The following DIP2B variants were observed in gnomAD, a reference collection of about 807,000 sequenced individuals.
DIP2B encodes the protein DIP2 acetate--CoA ligase B (putative).
Under a neutral mutation model 198.0 loss-of-function variants are expected in DIP2B, and 76 were observed. The observed-to-expected ratio is 0.38, with a 90% CI of 0.32 to 0.46. DIP2B has a LOEUF of 0.46. Ranked by LOEUF, DIP2B falls within the 20% of genes least tolerant of loss-of-function variation. The probability of loss-of-function intolerance (pLI) is 0.99; values close to 1 mark genes in which losing one functional copy is unlikely to be tolerated. For missense variants in DIP2B, 1,559 were observed against 1,978.4 expected, an observed-to-expected ratio of 0.79 and a Z score of 4.02; for synonymous variants, 701 against 739.1, an observed-to-expected ratio of 0.95 and a Z score of 0.84.
intron 1 of DIP2B, among the ~76,000 whole-genome samples, chr12:50,600,752 C>G (rs1448492700): frequency 6.6e-6 from 1 of 152,094 alleles, no homozygotes; most frequent in Non-Finnish European, 1.5e-5. Context: ...GTGATAAAGC[C>G]TAGAACATGT....
At chr12:50,554,712 T>A (rs1958454598) in intron 1 of DIP2B, among the ~76,000 whole-genome samples, 1 of 152,140 alleles carries the variant, frequency 6.6e-6, no homozygotes, top group African/African-American at 2.4e-5. Context: ...TTTTTGAGCT[T>A]ACTTCTTCAC....
chr12:50,642,430 T>C (rs767739363), intron 3 of DIP2B, among the ~76,000 whole-genome samples: 2 of 152,190 alleles, frequency 1.3e-5, no homozygotes, highest in Non-Finnish European at 2.9e-5. Context: ...CTGCAGTGCC[T>C]GGCACAGGGC....
chr12:50,592,625 ACGCC>A (rs1222260283), intron 1 of DIP2B, among the ~76,000 whole-genome samples: 1 of 151,938 alleles, frequency 6.6e-6, no homozygotes, highest in African/African-American at 2.4e-5. Flanking sequence ...TTACAGGCAC[ACGCC>A]ACTACGCCTG....
At chr12:50,633,972 T>C (rs940807466) in intron 2 of DIP2B, among the ~76,000 whole-genome samples, 9 of 152,106 alleles carry the variant, frequency 5.9e-5, no homozygotes, top group South Asian at 2.1e-4. Context: ...AATTAAAATT[T>C]ATAAGATTAA....
chr12:50,727,904 A>G (rs1939966218), intron 29 of DIP2B, 92 bp downstream of exon 29: 5 of 1,058,100 alleles, frequency 4.7e-6, no homozygotes, highest in African/African-American at 1.6e-5. Flanking sequence ...AAGTGGTTGT[A>G]CCAGAGACCG....
intron 1 of DIP2B, among the ~76,000 whole-genome samples, chr12:50,609,702 C>T (rs184802518): frequency 1.3e-4 from 20 of 152,320 alleles, no homozygotes; most frequent in South Asian, 2.1e-4. Context: ...GAAATGTCAT[C>T]GTCTTCTGAG....
At chr12:50,688,820 C>T (rs1306901203) in intron 12 of DIP2B, among the ~76,000 whole-genome samples, 1 of 152,144 alleles carries the variant, frequency 6.6e-6, no homozygotes, top group Non-Finnish European at 1.5e-5. Context: ...TTGGCCATTC[C>T]TTCAGTTGTC....
chr12:50,642,704 G>A (rs1938277879), intron 3 of DIP2B, among the ~76,000 whole-genome samples: 1 of 152,184 alleles, frequency 6.6e-6, no homozygotes, highest in Non-Finnish European at 1.5e-5. Flanking sequence ...CAGGAGAATG[G>A]CGTGAACCTG....
chr12:50,653,178 T>C (rs538889488), intron 3 of DIP2B, among the ~76,000 whole-genome samples: 1 of 152,182 alleles, frequency 6.6e-6, no homozygotes, highest in African/African-American at 2.4e-5. Context: ...TTTTAGTTAC[T>C]GATTCAATCT....
At chr12:50,572,948 C>T (rs1432543085) in intron 1 of DIP2B, among the ~76,000 whole-genome samples, 1 of 152,152 alleles carries the variant, frequency 6.6e-6, no homozygotes, top group Non-Finnish European at 1.5e-5. Context: ...AGAATATGCC[C>T]AGTGTCAGCA....
At chr12:50,640,916 C>A in intron 3 of DIP2B, 64 bp downstream of exon 3, 2 of 1,545,724 alleles carry the variant, frequency 1.3e-6, no homozygotes, top group Non-Finnish European at 1.7e-6. Flanking sequence ...AACTGTGTAT[C>A]CTGAGAGCTT....
chr12:50,667,173 A>G (rs768228505), intron 4 of DIP2B, among the ~76,000 whole-genome samples: 1 of 152,172 alleles, frequency 6.6e-6, no homozygotes, highest in Non-Finnish European at 1.5e-5. Context: ...CCCGGCCAAC[A>G]TGCTAATTGT....
intron 1 of DIP2B, among the ~76,000 whole-genome samples, chr12:50,598,250 T>C (rs1958895656): frequency 1.3e-5 from 2 of 152,176 alleles, no homozygotes; most frequent in Non-Finnish European, 2.9e-5. Context: ...TGATACTGTC[T>C]TGGAAACATT....
chr12:50,649,290 A>G (rs1204175345), intron 3 of DIP2B, among the ~76,000 whole-genome samples: 1 of 152,332 alleles, frequency 6.6e-6, no homozygotes, highest in Non-Finnish European at 1.5e-5. Context: ...AATAGCTAAG[A>G]GAACACTGAG....
At chr12:50,536,271 G>GCATACATACGTA (rs1958265512) in intron 1 of DIP2B, among the ~76,000 whole-genome samples, 1 of 147,972 alleles carries the variant, frequency 6.8e-6, no homozygotes, top group Non-Finnish European at 1.5e-5. Context: ...CTAAATACGT[G>GCATACATACGTA]CATACATACA....
At position 50,706,549 on chromosome 12, in the gene DIP2B, G is replaced by A; in HGVS notation, c.2418G>A (p.Val806=). Residue 806 remains valine, a synonymous_variant, in exon 21 of 38, where the codon GTG becomes GTA. Coordinates refer to ENST00000301180, the MANE Select transcript of DIP2B (RefSeq NM_173602.3). ...TCATTACCTTTCAGGGTAGTTTGGT[G>A]TTCGTGGTTGGGAAAATGGATGGCT... The part of the protein sequence containing the change: ...LLGFVGPGSL[V]FVVGKMDGLL... 6.2e-7 allele frequency: 1 copy of A among 1,613,998 alleles called. No homozygotes were observed. Among genetic ancestry groups the A allele is most frequent in the Non-Finnish European group, 8.5e-7 (1 of 1,179,908 alleles).
At chr12:50,630,379 C>G (rs1446400196) in intron 2 of DIP2B, among the ~76,000 whole-genome samples, 2 of 152,104 alleles carry the variant, frequency 1.3e-5, no homozygotes, top group African/African-American at 2.4e-5. Flanking sequence ...TTCTCTCTCT[C>G]TCTCTGACAG....
At chr12:50,715,487 T>A (rs1939697660) in intron 23 of DIP2B, among the ~76,000 whole-genome samples, 1 of 152,184 alleles carries the variant, frequency 6.6e-6, no homozygotes, top group Non-Finnish European at 1.5e-5. Context: ...ATTTAAAGCT[T>A]CTGTTTGTGT....
At chr12:50,708,837 G>C (rs1443818129) in intron 22 of DIP2B, among the ~76,000 whole-genome samples, 1 of 152,184 alleles carries the variant, frequency 6.6e-6, no homozygotes, top group Non-Finnish European at 1.5e-5. Context: ...AGTTTTAACT[G>C]TCATATGTGG....
Sources: gnomAD v4.1 joint callset for allele counts (sites outside exome capture counted in the v4.1 genomes callset) on GRCh38, gnomAD v4.1.1 for gene constraint, MANE v1.5 for transcripts, NCBI Gene and HGNC (gene_info 2026-07-23, HGNC 2026-07-21) for gene names.